TMEM178B: variants seen among roughly 807,000 people sequenced by gnomAD.
TMEM178B encodes the protein transmembrane protein 178B.
In TMEM178B, 5 loss-of-function variants were observed where a neutral mutation model predicts 31.0. The ratio of observed to expected loss-of-function variants is 0.16; its 90% CI spans 0.08 to 0.34. The LOEUF is 0.34. Ranked by LOEUF, TMEM178B falls within the 10% of genes least tolerant of loss-of-function variation. TMEM178B has a pLI of 1.00. For synonymous variants in TMEM178B, 164 were observed against 164.0 expected, an observed-to-expected ratio of 1.00 and a Z score of 0.00; for missense variants, 275 against 400.3, an observed-to-expected ratio of 0.69 and a Z score of 2.67.
At chr7:141,301,536 A>G (rs1301078986) in intron 2 of TMEM178B, among the ~76,000 whole-genome samples, 1 of 152,168 alleles carries the variant, frequency 6.6e-6, no homozygotes, top group African/African-American at 2.4e-5. Context: ...CAGGTGCAGA[A>G]AGATTGTGAT....
intron 2 of TMEM178B, among the ~76,000 whole-genome samples, chr7:141,357,420 T>C (rs1799839426): frequency 6.6e-6 from 1 of 152,244 alleles, no homozygotes; most frequent in Admixed American, 6.5e-5. Context: ...TTGTTTTATG[T>C]ACATTATTCA....
rs989310747 is a variant in TMEM178B, at chr7:141,428,580, C to G, written c.497-9028C>G. 5.9e-5 allele frequency among the ~76,000 whole-genome samples: 9 copies of G among 152,052 alleles called. 1 individual carries two copies. Among genetic ancestry groups the G allele is most frequent in the Admixed American group, 5.9e-4 (9 of 15,270 alleles). The stretch of plus-strand genomic sequence containing the variant: ...AAAAATGCCTCATGGAGGATGTGCA[C>G]AACTTTAGTAAACACACTGTGTGTG... On this transcript the variant is annotated intron_variant, in intron 2 of 3. Transcript: ENST00000565468.
At chr7:141,086,023 A>G (rs974931490) in intron 1 of TMEM178B, among the ~76,000 whole-genome samples, 2 of 152,118 alleles carry the variant, frequency 1.3e-5, no homozygotes, top group African/African-American at 2.4e-5. Context: ...TATTTGAAAT[A>G]CATGTATTAA....
intron 1 of TMEM178B, chr7:141,173,148 T>C (rs1796374294): frequency 6.6e-6 from 1 of 152,200 alleles, no homozygotes; most frequent in African/African-American, 2.4e-5. Flanking sequence ...TGATGGATCG[T>C]GTAACGAATG....
chr7:141,074,236 G>T lies in TMEM178B; in HGVS notation c.-75G>T, dbSNP rs887045640. The T allele has an allele frequency of 4.9e-6, 7 of 1,440,974 alleles. No homozygotes were observed. The highest frequency in any genetic ancestry group is 2.9e-5 in the African/African-American group (2 of 70,020). 89.3% of individuals were successfully genotyped at this position (1,440,974 alleles called of 1,614,324 possible). ...CCCTCCCCCAGCTCGGCCGCCCGCC[G>T]CTTTGTTCCGGGTGCGGCGAGGGAA... On this transcript the variant is annotated 5_prime_UTR_variant, in exon 1 of 4. Transcript: ENST00000565468. This position sits in a 1 kb window ranked among gnomAD's most constrained non-coding sequence, Gnocchi z 5.1.
At chr7:141,298,298 T>G (rs1376285869) in intron 2 of TMEM178B, among the ~76,000 whole-genome samples, 4 of 152,220 alleles carry the variant, frequency 2.6e-5, no homozygotes, top group East Asian at 3.8e-4. Flanking sequence ...TTTCTCCCAT[T>G]CTGTAGGTTG....
intron 1 of TMEM178B, among the ~76,000 whole-genome samples, chr7:141,095,949 A>T (rs919857623): frequency 2.0e-5 from 3 of 152,146 alleles, no homozygotes; most frequent in Admixed American, 2.0e-4. Flanking sequence ...TGGTATCCAT[A>T]GGAGTGGCCA....
intron 1 of TMEM178B, among the ~76,000 whole-genome samples, chr7:141,095,221 C>A (rs538512702): frequency 6.6e-6 from 1 of 152,278 alleles, no homozygotes; most frequent in Admixed American, 6.5e-5. Context: ...ATAACAGGTG[C>A]AAGTTAGTGG....
At chr7:141,295,105 C>T (rs1001945596) in intron 2 of TMEM178B, among the ~76,000 whole-genome samples, 2 of 152,206 alleles carry the variant, frequency 1.3e-5, no homozygotes, top group Non-Finnish European at 2.9e-5. Flanking sequence ...ATGGCCAGAG[C>T]TGCCCACCTG....
Position 141,344,544 on chromosome 7 carries a change from T to TCTCC in TMEM178B, c.497-93051_497-93048dup, listed in dbSNP as rs138487832. Reference sequence around the variant, plus strand: ...ACTTTTTAAAGCTGGGATTTTAGTTTCTCCCTCCCTCCCTCCATTCCTCCC... The same window carrying TCTCC: ...ACTTTTTAAAGCTGGGATTTTAGTTTCTCCCTCCCTCCCTCCCTCCATTCCTCCC... On this transcript the variant is annotated intron_variant, in intron 2 of 3. Coordinates refer to ENST00000565468, the MANE Select transcript of TMEM178B (RefSeq NM_001195278.2). This position sits in a 1 kb window ranked among gnomAD's most constrained non-coding sequence, Gnocchi z 4.1. Among the ~76,000 whole-genome samples, 8,627 of 150,164 alleles carry TCTCC rather than the reference T, an allele frequency of 0.057. 340 individuals carry two copies. Among genetic ancestry groups the TCTCC allele is most frequent in the South Asian group, 0.11 (510 of 4,628 alleles).
intron 2 of TMEM178B, among the ~76,000 whole-genome samples, chr7:141,373,329 A>C (rs1415796593): frequency 6.6e-6 from 1 of 152,168 alleles, no homozygotes; most frequent in African/African-American, 2.4e-5. Flanking sequence ...AATAAACAAC[A>C]ACAACAGCAA....
intron 2 of TMEM178B, among the ~76,000 whole-genome samples, chr7:141,248,966 C>T (rs941167325): frequency 1.4e-4 from 21 of 152,336 alleles, no homozygotes; most frequent in African/African-American, 5.1e-4. Flanking sequence ...GTTGCGTGCT[C>T]AGAGCTGGGT....
chr7:141,409,999 C>A (rs571503083), intron 2 of TMEM178B, among the ~76,000 whole-genome samples: 1 of 152,182 alleles, frequency 6.6e-6, no homozygotes, highest in African/African-American at 2.4e-5. Context: ...TTGCTTAGCC[C>A]TGGGCTCAGC....
intron 2 of TMEM178B, among the ~76,000 whole-genome samples, chr7:141,241,143 G>GT (rs11285590): frequency 4.0e-5 from 6 of 149,284 alleles, no homozygotes; most frequent in Non-Finnish European, 4.5e-5. Context: ...CTAATGTGTA[G>GT]TTTTTTTTTT....
intron 2 of TMEM178B, among the ~76,000 whole-genome samples, chr7:141,367,712 A>G (rs193273253): frequency 6.6e-5 from 10 of 152,320 alleles, no homozygotes; most frequent in South Asian, 4.1e-4. Context: ...ATTTCAGGCT[A>G]TGCTGAACAC....
At chr7:141,102,789 T>G (rs1257841409) in intron 1 of TMEM178B, among the ~76,000 whole-genome samples, 1 of 152,180 alleles carries the variant, frequency 6.6e-6, no homozygotes, top group Non-Finnish European at 1.5e-5. Context: ...TTGCACAGTG[T>G]TTTTGAAGCT....
chr7:141,080,220 T>G (rs1794661310), intron 1 of TMEM178B, among the ~76,000 whole-genome samples: 1 of 152,230 alleles, frequency 6.6e-6, no homozygotes, highest in African/African-American at 2.4e-5. Flanking sequence ...AAGGACACAT[T>G]CATTCATTCA....
chr7:141,381,732 T>C lies in TMEM178B; in HGVS notation c.497-55876T>C, dbSNP rs566979980. Among the ~76,000 whole-genome samples, 14 of 152,360 alleles carry C rather than the reference T, an allele frequency of 9.2e-5. No homozygotes were observed. In the South Asian group the frequency reaches 2.9e-3, roughly 32 times the overall value. On this transcript the variant is annotated intron_variant, in intron 2 of 3. Transcript: ENST00000565468. Reference sequence around the variant, plus strand: ...GGTTGGCAAGGATAGGAGCGACTTTTATGTCTTAGGACAATGACAGTTCAG... The same window carrying C: ...GGTTGGCAAGGATAGGAGCGACTTTCATGTCTTAGGACAATGACAGTTCAG...
At chr7:141,079,691 C>T (rs1047149704) in intron 1 of TMEM178B, among the ~76,000 whole-genome samples, 1 of 152,176 alleles carries the variant, frequency 6.6e-6, no homozygotes, top group African/African-American at 2.4e-5. Context: ...CTCCATTAAA[C>T]ATCACTTGCA....
Sources: gnomAD v4.1 joint callset for allele counts (sites outside exome capture counted in the v4.1 genomes callset) on GRCh38, gnomAD v4.1.1 for gene constraint, Gnocchi (gnomAD v3.1) non-coding constraint, MANE v1.5 for transcripts, NCBI Gene and HGNC (gene_info 2026-07-23, HGNC 2026-07-21) for gene names.